Variants in RBFOX1 observed in about 807,000 individuals in gnomAD.
RBFOX1 encodes RNA binding fox-1 homolog 1.
Under a neutral mutation model 57.7 loss-of-function variants are expected in RBFOX1, and 8 were observed. The observed-to-expected ratio is 0.14, with a 90% CI of 0.08 to 0.25. The LOEUF (loss-of-function observed/expected upper bound fraction) is 0.25, where lower values mean the gene tolerates loss of function less well. Ranked by LOEUF, RBFOX1 falls within the 10% of genes least tolerant of loss-of-function variation. The probability of loss-of-function intolerance (pLI) is 1.00; values close to 1 mark genes in which losing one functional copy is unlikely to be tolerated. For missense variants in RBFOX1, 611 were observed against 548.5 expected (o/e 1.11, Z -1.14); for synonymous variants, 326 against 222.4 (o/e 1.47, Z -4.15).
chr16:5,734,285 C>T (rs1047720451), intron 3 of RBFOX1, among the ~76,000 whole-genome samples: 1 of 151,764 alleles, frequency 6.6e-6, no homozygotes, highest in Non-Finnish European at 1.5e-5. Context: ...GCAACAGAGA[C>T]CCCACGTCTA....
intron 2 of RBFOX1, among the ~76,000 whole-genome samples, chr16:6,393,643 C>G (rs527841821): frequency 1.3e-5 from 2 of 152,312 alleles, no homozygotes; most frequent in East Asian, 1.9e-4. Flanking sequence ...TCCTCCCACT[C>G]ATTTCCTTCC....
intron 3 of RBFOX1, among the ~76,000 whole-genome samples, chr16:5,781,365 T>C (rs1425666168): frequency 6.6e-6 from 1 of 152,182 alleles, no homozygotes; most frequent in Non-Finnish European, 1.5e-5. Flanking sequence ...AGCTTCTCAA[T>C]GGATTGCTAT....
chr16:6,887,068 T>G (rs7498287), intron 3 of RBFOX1, among the ~76,000 whole-genome samples: 41,853 of 151,952 alleles, frequency 0.28, 6,008 homozygotes, highest in Admixed American at 0.39. Context: ...ATTGTCCAAG[T>G]TGGATTTTCC....
chr16:7,122,367 T>C (rs2067378595), intron 4 of RBFOX1, among the ~76,000 whole-genome samples: 1 of 152,140 alleles, frequency 6.6e-6, no homozygotes, highest in South Asian at 2.1e-4. Context: ...ACTTAGAGTA[T>C]ATTCATACTC....
intron 4 of RBFOX1, among the ~76,000 whole-genome samples, chr16:7,430,644 A>T (rs2098669973): frequency 7.3e-6 from 1 of 136,520 alleles, no homozygotes; most frequent in Non-Finnish European, 1.5e-5. Context: ...TGGGTGACAG[A>T]GTGAGACTCC....
chr16:6,464,849 G>A (rs192800349), intron 2 of RBFOX1, among the ~76,000 whole-genome samples: 69 of 152,296 alleles, frequency 4.5e-4, no homozygotes, highest in African/African-American at 1.7e-3. Flanking sequence ...ATAGCAGTGC[G>A]TTAAAAACAG....
At chr16:5,467,274 T>C in intron 2 of RBFOX1, 1 of 1,477,426 alleles carries the variant, frequency 6.8e-7, no homozygotes, top group Non-Finnish European at 9.1e-7. Flanking sequence ...CATTTTGTCC[T>C]GACTTAGGAT....
intron 3 of RBFOX1, among the ~76,000 whole-genome samples, chr16:6,849,713 C>G (rs573617509): frequency 2.6e-5 from 4 of 151,990 alleles, no homozygotes; most frequent in East Asian, 3.9e-4. Context: ...AAAAGTCCAT[C>G]TGCCATGACT....
intron 3 of RBFOX1, among the ~76,000 whole-genome samples, chr16:6,912,571 C>G (rs1483384360): frequency 2.6e-5 from 4 of 151,670 alleles, no homozygotes; most frequent in South Asian, 2.1e-4. Context: ...GTTTCTTTTA[C>G]TTTTTCTTTC....
chr16:5,869,829 A>G (rs1157130741), intron 4 of RBFOX1, among the ~76,000 whole-genome samples: 1 of 152,212 alleles, frequency 6.6e-6, no homozygotes, highest in Admixed American at 6.5e-5. Context: ...TTGTATGCCC[A>G]AGAGAAACGG....
intron 1 of RBFOX1, among the ~76,000 whole-genome samples, chr16:6,178,814 G>A (rs1388269686): frequency 6.6e-6 from 1 of 152,066 alleles, no homozygotes; most frequent in Non-Finnish European, 1.5e-5. Flanking sequence ...TTTTTAGCAA[G>A]GGCCTGTTTT....
chr16:5,557,521 A>G (rs1158347078), intron 2 of RBFOX1, among the ~76,000 whole-genome samples: 1 of 152,108 alleles, frequency 6.6e-6, no homozygotes, highest in African/African-American at 2.4e-5. Flanking sequence ...CAGAGGGGTG[A>G]CTGTGATGGG....
intron 2 of RBFOX1, among the ~76,000 whole-genome samples, chr16:5,510,345 G>A (rs967890032): frequency 6.6e-6 from 1 of 152,206 alleles, no homozygotes; most frequent in Admixed American, 6.5e-5. Flanking sequence ...TGTAGGTCAG[G>A]GGGTCTGCCT....
Position 7,579,798 on chromosome 16 carries a change from A to G in RBFOX1, c.292A>G (p.Thr98Ala), listed in dbSNP as rs769491451. 16 of 1,613,970 alleles carry G rather than the reference A, an allele frequency of 9.9e-6. No homozygotes were observed. The highest frequency in any genetic ancestry group is 1.3e-5 in the African/African-American group (1 of 74,906). Residue 98 changes from threonine (T) to alanine (A), a missense_variant, in exon 6 of 16, where the codon ACG (threonine) becomes GCG (alanine). Coordinates refer to ENST00000550418, the MANE Select transcript of RBFOX1 (RefSeq NM_018723.4). ...TATQTDDAAPTDGQPQTQPSE... is the reference protein window; with the variant it reads ...TATQTDDAAPADGQPQTQPSE... ...TTAGCAGACAGATGACGCAGCACCG[A>G]CGGATGGCCAGCCCCAGACACAACC... is the stretch of plus-strand genomic sequence containing the variant.
rs1268414297 is a variant in RBFOX1, at chr16:6,364,639, C to G, written c.-64+47582C>G. 2.0e-5 allele frequency among the ~76,000 whole-genome samples: 3 copies of G among 152,150 alleles called. No homozygotes were observed. In the East Asian group the frequency reaches 5.8e-4, roughly 29 times the overall value. On this transcript the variant is annotated intron_variant, in intron 2 of 15. Coordinates refer to ENST00000550418, the MANE Select transcript of RBFOX1 (RefSeq NM_018723.4). ...TGGTCATATAGAGGATCTTTGTGGTCCATCTAGTTCTTTAGTTTCAAATGT... is the reference window on the plus strand; with the variant it reads ...TGGTCATATAGAGGATCTTTGTGGTGCATCTAGTTCTTTAGTTTCAAATGT...
intron 11 of RBFOX1, among the ~76,000 whole-genome samples, chr16:7,631,489 G>A (rs926933826): frequency 6.6e-5 from 10 of 152,130 alleles, no homozygotes; most frequent in African/African-American, 2.2e-4. Context: ...CTCCCAGAGG[G>A]TATACCCCTT....
At chr16:6,385,019 G>T (rs962865222) in intron 2 of RBFOX1, among the ~76,000 whole-genome samples, 1 of 152,118 alleles carries the variant, frequency 6.6e-6, no homozygotes, top group Non-Finnish European at 1.5e-5. Context: ...CCCCCTCCCT[G>T]TTTGCTATCT....
chr16:7,204,428 G>C (rs1195784756), intron 4 of RBFOX1, among the ~76,000 whole-genome samples: 1 of 152,154 alleles, frequency 6.6e-6, no homozygotes, highest in Admixed American at 6.5e-5. Context: ...GATCACTTGA[G>C]CCCAGGAGTT....
chr16:5,734,037 A>G (rs578167579), intron 3 of RBFOX1, among the ~76,000 whole-genome samples: 2 of 152,268 alleles, frequency 1.3e-5, no homozygotes, highest in East Asian at 3.9e-4. Context: ...TGTAATAAGA[A>G]CATGCACGAA....
Sources: gnomAD v4.1 joint callset for allele counts (sites outside exome capture counted in the v4.1 genomes callset) on GRCh38, gnomAD v4.1.1 for gene constraint, MANE v1.5 for transcripts, NCBI Gene and HGNC (gene_info 2026-07-23, HGNC 2026-07-21) for gene names.